The following DLG1 variants were observed in gnomAD, a reference collection of about 807,000 sequenced individuals.
The protein encoded by DLG1 is disks large homolog 1.
A neutral mutation model predicts 123.4 loss-of-function variants in DLG1; 42 were observed. The observed-to-expected ratio is 0.34, with a 90% CI of 0.27 to 0.44. The LOEUF (loss-of-function observed/expected upper bound fraction) is 0.44, where lower values mean the gene tolerates loss of function less well. Ranked by LOEUF, DLG1 falls within the 20% of genes least tolerant of loss-of-function variation. DLG1 has a pLI of 1.00. For missense variants in DLG1, 942 were observed against 1,082.6 expected (o/e 0.87, Z 1.82); for synonymous variants, 317 against 356.2 (o/e 0.89, Z 1.24).
At chr3:197,205,151 C>T (rs929136685) in intron 4 of DLG1, among the ~76,000 whole-genome samples, 3 of 152,078 alleles carry the variant, frequency 2.0e-5, no homozygotes, top group Admixed American at 6.5e-5. Context: ...CTCCTTCCCC[C>T]AGAAGTAAAG....
At chr3:197,113,200 G>A (rs1269330269) in intron 13 of DLG1, among the ~76,000 whole-genome samples, 2 of 152,076 alleles carry the variant, frequency 1.3e-5, no homozygotes, top group African/African-American at 2.4e-5. Flanking sequence ...TAAGAAATTT[G>A]TCTAATCCAT....
At chr3:197,188,616 C>A (rs1360286960) in intron 5 of DLG1, among the ~76,000 whole-genome samples, 1 of 152,140 alleles carries the variant, frequency 6.6e-6, no homozygotes, top group Non-Finnish European at 1.5e-5. Context: ...TTCTAAGATA[C>A]TTTTTCAAAT....
intron 4 of DLG1, among the ~76,000 whole-genome samples, chr3:197,232,816 A>G (rs968161285): frequency 6.6e-6 from 1 of 152,148 alleles, no homozygotes; most frequent in Non-Finnish European, 1.5e-5. Flanking sequence ...GTATCTCCAC[A>G]GAAAAAGCAC....
intron 4 of DLG1, among the ~76,000 whole-genome samples, chr3:197,225,232 A>C (rs1231889244): frequency 6.6e-6 from 1 of 152,196 alleles, no homozygotes; most frequent in Non-Finnish European, 1.5e-5. Flanking sequence ...TTTTGATTGC[A>C]GAAATCAGGT....
intron 10 of DLG1, 117 bp from the exon 11 acceptor site, chr3:197,130,788 C>T (rs1782077992): frequency 1.3e-6 from 1 of 777,700 alleles, no homozygotes; most frequent in Non-Finnish European, 2.0e-6. Context: ...TAAAGGTATG[C>T]CGAAAGAAAA....
chr3:197,160,819 G>T (rs189691167), intron 5 of DLG1, among the ~76,000 whole-genome samples: 32 of 152,106 alleles, frequency 2.1e-4, no homozygotes, highest in African/African-American at 6.8e-4. Flanking sequence ...TGTTTACCCA[G>T]ATTTTAGGCT....
At chr3:197,294,899 C>G (rs1184465977) in intron 3 of DLG1, among the ~76,000 whole-genome samples, 1 of 151,976 alleles carries the variant, frequency 6.6e-6, no homozygotes, top group East Asian at 1.9e-4. Context: ...ATCTGCCTAT[C>G]TATACATATA....
At chr3:197,099,439 CAA>C (rs1762312280) in intron 14 of DLG1, among the ~76,000 whole-genome samples, 1 of 152,184 alleles carries the variant, frequency 6.6e-6, no homozygotes. Flanking sequence ...CAAAACTCAG[CAA>C]AGCTATAATT....
intron 4 of DLG1, among the ~76,000 whole-genome samples, chr3:197,261,927 A>G (rs924862808): frequency 6.6e-6 from 1 of 152,210 alleles, no homozygotes; most frequent in Non-Finnish European, 1.5e-5. Context: ...TTAGGTCAAT[A>G]GTGGCAATAA....
chr3:197,159,776 C>T (rs1364736278), intron 5 of DLG1, among the ~76,000 whole-genome samples: 4 of 152,180 alleles, frequency 2.6e-5, no homozygotes, highest in African/African-American at 7.2e-5. Context: ...AACTATCTTT[C>T]ATGAACTTCC....
intron 11 of DLG1, among the ~76,000 whole-genome samples, chr3:197,127,517 CG>C (rs1455329737): frequency 9.5e-6 from 1 of 104,724 alleles, no homozygotes; most frequent in Admixed American, 1.1e-4. Context: ...CCTAAAAATA[CG>C]TAAGTACTTT....
chr3:197,151,575 C>T (rs937392842), intron 5 of DLG1, among the ~76,000 whole-genome samples: 5 of 152,132 alleles, frequency 3.3e-5, no homozygotes, highest in African/African-American at 1.2e-4. Flanking sequence ...ATTGCTGCAG[C>T]TGGTGATGGG....
At chr3:197,046,877 A>C (rs1242244203) in intron 24 of DLG1, among the ~76,000 whole-genome samples, 1 of 152,090 alleles carries the variant, frequency 6.6e-6, no homozygotes, top group Admixed American at 6.6e-5. Flanking sequence ...CTCAAAAAAA[A>C]ACAAAAGACA....
chr3:197,222,046 A>G (rs773882336), intron 4 of DLG1, among the ~76,000 whole-genome samples: 1 of 152,186 alleles, frequency 6.6e-6, no homozygotes, highest in Non-Finnish European at 1.5e-5. Context: ...TTGCTCAGGG[A>G]AAAATGACAA....
chr3:197,074,325 C>T (rs537381619), intron 18 of DLG1, among the ~76,000 whole-genome samples: 6 of 152,168 alleles, frequency 3.9e-5, no homozygotes, highest in South Asian at 2.1e-4. Flanking sequence ...TGAATAACGT[C>T]GTCTGATAAT....
intron 5 of DLG1, among the ~76,000 whole-genome samples, chr3:197,152,712 G>A (rs1265999844): frequency 3.0e-5 from 4 of 134,162 alleles, no homozygotes; most frequent in Admixed American, 1.7e-4. Flanking sequence ...GCAGTGAGCC[G>A]AGACAGCACC....
Position 197,296,291 on chromosome 3 carries a change from T to C in DLG1, c.151+55A>G, listed in dbSNP as rs572883562. 7.8e-4 allele frequency: 1,190 copies of C among 1,522,428 alleles called. 19 individuals are homozygous for C. In the South Asian group the frequency reaches 0.013, roughly 17 times the overall value. The allele number at this position is 1,522,428 out of a possible 1,614,324, so 94.3% of individuals were successfully genotyped here. A position where few individuals can be genotyped will look rare whatever the true frequency, so the allele number is the denominator to read the frequency against. On this transcript the variant is annotated intron_variant, in intron 3 of 24. Coordinates refer to ENST00000667157, the MANE Select transcript of DLG1 (RefSeq NM_001366207.1). ...TTTTCTTAAGTTTAAAATAAATGAATTGAGAGGAGCATAAAGCCTAGCTGG... is the reference window on the plus strand; with the variant it reads ...TTTTCTTAAGTTTAAAATAAATGAACTGAGAGGAGCATAAAGCCTAGCTGG...
At chr3:197,053,181 T>G (rs1480291483) in intron 23 of DLG1, among the ~76,000 whole-genome samples, 2 of 152,334 alleles carry the variant, frequency 1.3e-5, no homozygotes, top group Admixed American at 1.3e-4. Context: ...CGTTCCCAAC[T>G]TAAAGGAAAG....
chr3:197,120,273 G>GAAAAAAAAAAAA (rs3050713), intron 11 of DLG1, among the ~76,000 whole-genome samples: 3 of 127,590 alleles, frequency 2.4e-5, no homozygotes, highest in Non-Finnish European at 5.0e-5. Context: ...TCTCGAGAAA[G>GAAAAAAAAAAAA]AAAAAAAAAA....
Sources: allele counts gnomAD v4.1 joint callset (sites outside exome capture counted in the v4.1 genomes callset), GRCh38; gene constraint gnomAD v4.1.1; transcripts MANE v1.5; gene names NCBI Gene and HGNC (gene_info 2026-07-23, HGNC 2026-07-21).